The following BMPR1A variants were observed in gnomAD, a reference collection of about 807,000 sequenced individuals.
The protein encoded by BMPR1A is bone morphogenetic protein receptor type 1A.
Under a neutral mutation model 66.0 loss-of-function variants are expected in BMPR1A, and 7 were observed. That is an observed-to-expected ratio of 0.11 (90% CI 0.06 to 0.20). The LOEUF (loss-of-function observed/expected upper bound fraction) is 0.20. BMPR1A is among the 10% of genes least tolerant of loss of function. BMPR1A has a pLI of 1.00. For missense variants in BMPR1A, 408 were observed against 669.1 expected (o/e 0.61, Z 4.31); for synonymous variants, 200 against 229.7 (o/e 0.87, Z 1.17).
intron 1 of BMPR1A, among the ~76,000 whole-genome samples, chr10:86,760,570 T>C (rs576257767): frequency 2.6e-5 from 4 of 152,310 alleles, no homozygotes; most frequent in South Asian, 4.1e-4. Context: ...TTAGTTTCAC[T>C]ACTAGTTTGC....
intron 3 of BMPR1A, among the ~76,000 whole-genome samples, chr10:86,883,367 G>A (rs1005116026): frequency 4.0e-4 from 60 of 151,522 alleles, no homozygotes; most frequent in Non-Finnish European, 3.4e-4. Context: ...TGGCTAACAC[G>A]GTGAAACCCC....
At chr10:86,907,810 A>G (rs906220821) in intron 7 of BMPR1A, among the ~76,000 whole-genome samples, 6 of 152,220 alleles carry the variant, frequency 3.9e-5, no homozygotes, top group African/African-American at 1.4e-4. Flanking sequence ...GAGGTTAGAA[A>G]GGAGGGAGGG....
intron 5 of BMPR1A, 34 bp from the exon 6 acceptor site, chr10:86,899,760 A>T (rs1843278632): frequency 1.3e-6 from 2 of 1,586,626 alleles, no homozygotes; most frequent in Non-Finnish European, 1.7e-6. Flanking sequence ...AAAATACCAA[A>T]CCATTTCTAA....
chr10:86,920,602 G>C (rs1843647775), intron 10 of BMPR1A, among the ~76,000 whole-genome samples: 1 of 152,074 alleles, frequency 6.6e-6, no homozygotes, highest in Non-Finnish European at 1.5e-5. Flanking sequence ...AGATGCTATA[G>C]GAAAATACAA....
At chr10:86,837,230 G>GCTGTGTGTGTGTGTGTGTGT (rs1554883358) in intron 1 of BMPR1A, among the ~76,000 whole-genome samples, 3,013 of 86,730 alleles carry the variant, frequency 0.035, 156 homozygotes, top group African/African-American at 0.11. Context: ...TTAGAATCAG[G>GCTGTGTGTGTGTGTGTGTGT]CTGTGTGTGT....
chr10:86,920,687 A>G (rs1843648743), intron 10 of BMPR1A, among the ~76,000 whole-genome samples: 1 of 152,170 alleles, frequency 6.6e-6, no homozygotes, highest in Non-Finnish European at 1.5e-5. Context: ...TGCTAACAAC[A>G]GAACTCTGTT....
At chr10:86,881,627 T>G (rs1842987439) in intron 3 of BMPR1A, among the ~76,000 whole-genome samples, 1 of 152,216 alleles carries the variant, frequency 6.6e-6, no homozygotes, top group African/African-American at 2.4e-5. Flanking sequence ...AATTACCATT[T>G]ACAAAATCCA....
intron 3 of BMPR1A, among the ~76,000 whole-genome samples, chr10:86,886,335 A>G (rs1843066627): frequency 6.6e-6 from 1 of 152,192 alleles, no homozygotes. Flanking sequence ...TTGTGTTTAT[A>G]AAATGTCTCT....
intron 1 of BMPR1A, among the ~76,000 whole-genome samples, chr10:86,799,494 CTT>C (rs1841777189): frequency 2.7e-5 from 3 of 111,454 alleles, no homozygotes; most frequent in Non-Finnish European, 5.3e-5. Context: ...TCCTTCCTTC[CTT>C]CCTTCCTTCC....
intron 2 of BMPR1A, among the ~76,000 whole-genome samples, chr10:86,864,398 C>T (rs547370053): frequency 6.6e-6 from 1 of 152,308 alleles, no homozygotes; most frequent in South Asian, 2.1e-4. Flanking sequence ...CAACCTCTGT[C>T]ACGACCTTCC....
At chr10:86,905,026 A>G (rs564429957) in intron 7 of BMPR1A, among the ~76,000 whole-genome samples, 10 of 152,384 alleles carry the variant, frequency 6.6e-5, no homozygotes, top group Admixed American at 2.6e-4. Flanking sequence ...CCGTAAAAGA[A>G]TAAAATTAAA....
chr10:86,838,187 C>G (rs1842378276), intron 1 of BMPR1A, among the ~76,000 whole-genome samples: 1 of 152,144 alleles, frequency 6.6e-6, no homozygotes, highest in Admixed American at 6.5e-5. Flanking sequence ...CGAGATGGCA[C>G]TACTGCACTC....
intron 4 of BMPR1A, among the ~76,000 whole-genome samples, chr10:86,891,105 C>G (rs532929743): frequency 6.6e-6 from 1 of 152,152 alleles, no homozygotes; most frequent in African/African-American, 2.4e-5. Context: ...AAACTTTACA[C>G]GTAAACTCTT....
At chr10:86,760,969 A>T (rs1841045833) in intron 1 of BMPR1A, among the ~76,000 whole-genome samples, 1 of 152,230 alleles carries the variant, frequency 6.6e-6, no homozygotes, top group Admixed American at 6.5e-5. Context: ...GAAGCCATTG[A>T]TTGTAAGGTG....
At chr10:86,911,148 C>G (rs1483540376) in intron 7 of BMPR1A, among the ~76,000 whole-genome samples, 79 of 115,612 alleles carry the variant, frequency 6.8e-4, no homozygotes, top group Non-Finnish European at 9.4e-4. Context: ...GAGTGAGACC[C>G]TGTCTCAAAA....
chr10:86,892,116 T>A lies in BMPR1A; in HGVS notation c.231-11T>A, dbSNP rs1343373290. The stretch of plus-strand genomic sequence containing the variant: ...TTATGTTTTGTTTTGTTTTGTTTTT[T>A]TCTGTTTTAGAACTAATGGACATTG... On this transcript the variant is annotated splice_polypyrimidine_tract_variant and intron_variant, in intron 4 of 12. Coordinates refer to ENST00000372037, the MANE Select transcript of BMPR1A (RefSeq NM_004329.3). 1.2e-6 allele frequency: 2 copies of A among 1,603,888 alleles called. No homozygotes were observed. Among genetic ancestry groups the A allele is most frequent in the East Asian group, 4.5e-5 (2 of 44,826 alleles).
intron 4 of BMPR1A, among the ~76,000 whole-genome samples, chr10:86,891,784 T>C (rs1392514402): frequency 6.6e-6 from 1 of 152,236 alleles, no homozygotes; most frequent in Non-Finnish European, 1.5e-5. Context: ...TTTTAAAGTA[T>C]GTTTTCAAAA....
chr10:86,860,204 A>G (rs1159282069), intron 2 of BMPR1A, among the ~76,000 whole-genome samples: 1 of 152,232 alleles, frequency 6.6e-6, no homozygotes, highest in Non-Finnish European at 1.5e-5. Context: ...TAAGATATTT[A>G]TAGGATAAAA....
rs1437383641 is a variant in BMPR1A, at chr10:86,925,338, C to A, written c.*1619C>A. ...TAAAATAAATGTGATTATATCACAT[C>A]ATCATCAAAAAGGTTTAAATTAAAT... On this transcript the variant is annotated 3_prime_UTR_variant, in exon 13 of 13. Coordinates refer to ENST00000372037, the MANE Select transcript of BMPR1A (RefSeq NM_004329.3). 1.8e-5 allele frequency: 4 copies of A among 221,066 alleles called. No homozygotes were observed. The highest frequency in any genetic ancestry group is 2.7e-5 in the Non-Finnish European group (3 of 110,690). 13.7% of individuals were successfully genotyped at this position (221,066 alleles called of 1,614,324 possible).
Sources: allele counts gnomAD v4.1 joint callset (sites outside exome capture counted in the v4.1 genomes callset), GRCh38; gene constraint gnomAD v4.1.1; transcripts MANE v1.5; gene names NCBI Gene and HGNC (gene_info 2026-07-23, HGNC 2026-07-21).